The following GPRC5B variants were observed in gnomAD, a reference collection of about 807,000 sequenced individuals.
GPRC5B encodes the protein G protein-coupled receptor class C group 5 member B, also known as G protein-coupled receptor family C group 5 member B.
GPRC5B carries 16 observed loss-of-function variants against 30.1 expected under a neutral mutation model. The ratio of observed to expected loss-of-function variants is 0.53; its 90% CI spans 0.36 to 0.81. The LOEUF (loss-of-function observed/expected upper bound fraction) is 0.81, where lower values mean the gene tolerates loss of function less well. Among genes scored for constraint, GPRC5B ranks in the 30% least tolerant of loss-of-function variants. The pLI is 0.01. For synonymous variants in GPRC5B, 241 were observed against 239.5 expected, an observed-to-expected ratio of 1.01 and a Z score of -0.06; for missense variants, 428 against 544.7, an observed-to-expected ratio of 0.79 and a Z score of 2.13.
chr16:19,866,861 GTGCCGCACCTTA>G (rs1205737530), intron 2 of GPRC5B, among the ~76,000 whole-genome samples: 1 of 152,186 alleles, frequency 6.6e-6, no homozygotes, highest in African/African-American at 2.4e-5. Flanking sequence ...CACATAAGGT[GTGCCGCACCTTA>G]TTGATAAGTC....
intron 2 of GPRC5B, among the ~76,000 whole-genome samples, chr16:19,865,599 G>C (rs956149265): frequency 2.6e-5 from 4 of 152,210 alleles, no homozygotes; most frequent in Non-Finnish European, 4.4e-5. Context: ...AAGATTTGAA[G>C]TGCAGGCTCT....
Position 19,858,644 on chromosome 16 carries a change from GCCCCCA to G in GPRC5B, c.*1850_*1855del. On this transcript the variant is annotated 3_prime_UTR_variant, in exon 4 of 4. Transcript: ENST00000300571. ...CAGAATACCGGGTCCGCATGCAACCGCCCCCACCCCCACCCCAGGTCCTAGCTTCAT... is the reference window on the plus strand; with the variant it reads ...CAGAATACCGGGTCCGCATGCAACCGCCCCCACCCCAGGTCCTAGCTTCAT... The G allele has an allele frequency of 3.8e-6, 2 of 531,480 alleles. No individual in the cohort carries two copies. Among genetic ancestry groups the G allele is most frequent in the Non-Finnish European group, 6.8e-6 (2 of 295,158 alleles). The allele number at this position is 531,480 out of a possible 1,614,324, so 32.9% of individuals were successfully genotyped here.
At chr16:19,874,352 A>C (rs1036873425) in intron 1 of GPRC5B, among the ~76,000 whole-genome samples, 1 of 151,966 alleles carries the variant, frequency 6.6e-6, no homozygotes, top group South Asian at 2.1e-4. Flanking sequence ...GATGCCATCA[A>C]CTCAGACTTG....
intron 1 of GPRC5B, among the ~76,000 whole-genome samples, chr16:19,877,910 T>A (rs2056771098): frequency 2.0e-5 from 3 of 152,072 alleles, no homozygotes; most frequent in Admixed American, 6.6e-5. Context: ...CAAAGTAGAT[T>A]CTCCCTGGCC....
At chr16:19,865,078 G>GTT (rs901392659) in intron 2 of GPRC5B, among the ~76,000 whole-genome samples, 4 of 145,114 alleles carry the variant, frequency 2.8e-5, no homozygotes, top group Non-Finnish European at 4.6e-5. Flanking sequence ...CTTATTTTTA[G>GTT]TTTTTTTTTT....
intron 1 of GPRC5B, among the ~76,000 whole-genome samples, chr16:19,873,760 C>T (rs899785220): frequency 6.6e-6 from 1 of 152,052 alleles, no homozygotes. Flanking sequence ...CCTCACTCCG[C>T]GGGCTCCCAG....
Position 19,871,857 on chromosome 16 carries a change from T to A in GPRC5B, c.989A>T (p.Tyr330Phe), listed in dbSNP as rs1414018077. The A allele has an allele frequency of 6.2e-7, 1 of 1,613,940 alleles. No individual in the cohort carries two copies. The highest frequency in any genetic ancestry group is 8.5e-7 in the Non-Finnish European group (1 of 1,180,050). Residue 330 changes from tyrosine (Y) to phenylalanine (F), a missense_variant, in exon 2 of 4, where the codon TAT becomes TTT. Tyr to Phe is a conservative substitution (Grantham distance 22). Transcript: ENST00000300571. ...FEEDVQLPRAYMENKAFSMDE... is the reference protein window; with the variant it reads ...FEEDVQLPRAFMENKAFSMDE... ...CATGGAGAAGGCCTTGTTCTCCATA[T>A]AGGCCCGCGGCAGCTGCACGTCCTC...
rs1351186725 is a variant in GPRC5B at position 19,871,938 on chromosome 16, T to C, written c.908A>G (p.Asn303Ser). 5 of 1,613,934 alleles carry C rather than the reference T, an allele frequency of 3.1e-6. No homozygotes were observed. In the Admixed American group the frequency reaches 8.3e-5, roughly 27 times the overall value. Residue 303 changes from asparagine (N) to serine (S), a missense_variant, in exon 2 of 4, where the codon AAC becomes AGC. Around this residue, in one of 3 missense-constraint regions of GPRC5B, gnomAD observed 213 missense variants for 229.1 expected, o/e 0.93. Transcript: ENST00000300571. ...CGACGTGTCGAAGTAGTTGGGCGTG[T>C]TCTCCTGCAGGGCTGGCAGAAGGGT... ...HCTLLPALQE[N>S]TPNYFDTSQP...
intron 1 of GPRC5B, chr16:19,882,045 T>G (rs2056811666): frequency 6.6e-6 from 1 of 152,250 alleles, no homozygotes; most frequent in African/African-American, 2.4e-5. Context: ...TGCTGGAGCC[T>G]CTGGTCCATT....
chr16:19,885,408 C>T, upstream of GPRC5B: 1 of 1,157,932 alleles, frequency 8.6e-7, no homozygotes. This position sits in a 1 kb window ranked among gnomAD's most constrained non-coding sequence, Gnocchi z 5.3. Context: ...GCTAGGCCTC[C>T]TCCAGGCAGG....
At chr16:19,864,808 G>A (rs888909191) in intron 2 of GPRC5B, among the ~76,000 whole-genome samples, 3 of 152,168 alleles carry the variant, frequency 2.0e-5, no homozygotes, top group Non-Finnish European at 4.4e-5. Context: ...TGGCAAGGGA[G>A]CATGCCAGAT....
chr16:19,869,950 C>T (rs567161882), intron 2 of GPRC5B, among the ~76,000 whole-genome samples: 2 of 152,220 alleles, frequency 1.3e-5, no homozygotes, highest in African/African-American at 2.4e-5. Context: ...TGGTGTGTGC[C>T]TGTGGTCCCA....
In GPRC5B at chr16:19,858,787, G is replaced by A. The variant is rs1032571385; in HGVS notation, c.*1713C>T. 10 of 384,704 alleles carry A rather than the reference G, an allele frequency of 2.6e-5. No individual in the cohort carries two copies. The highest frequency in any genetic ancestry group is 3.2e-5 in the Non-Finnish European group (7 of 217,732). The allele number at this position is 384,704 out of a possible 1,614,324, so 23.8% of individuals were successfully genotyped here. Reference sequence around the variant, plus strand: ...GGCAGAGGCGGGGTGCTTCCGGGGAGGTCAGGTGGGGGTGGCATTCTGGGG... The same window carrying A: ...GGCAGAGGCGGGGTGCTTCCGGGGAAGTCAGGTGGGGGTGGCATTCTGGGG... On this transcript the variant is annotated 3_prime_UTR_variant, in exon 4 of 4. Transcript: ENST00000300571.
rs555430487 is a variant in GPRC5B at position 19,862,716 on chromosome 16, C to T, written c.1031-743G>A. On this transcript the variant is annotated intron_variant, in intron 2 of 3. Transcript: ENST00000300571. The stretch of plus-strand genomic sequence containing the variant: ...GGTGGATCACTTGAGGTCAGGAGTT[C>T]GAGACCAGCCTGGCCAACATGGCAA... Among the ~76,000 whole-genome samples, 26 of 152,222 alleles carry T rather than the reference C, an allele frequency of 1.7e-4. No individual in the cohort carries two copies. The South Asian group carries it at 5.2e-3, about 30-fold the overall frequency.
Position 19,872,227 on chromosome 16 carries a change from C to G in GPRC5B, c.619G>C (p.Asp207His), listed in dbSNP as rs547968579. 6.2e-7 allele frequency: 1 copy of G among 1,614,174 alleles called. No homozygotes were observed. Among genetic ancestry groups the G allele is most frequent in the South Asian group, 1.1e-5 (1 of 91,084 alleles). The change falls in exon 2 of 4, where the codon GAC (aspartate) becomes CAC (histidine). Residue 207 changes from aspartate (D) to histidine (H), a missense_variant. This residue lies in a region of GPRC5B where 213 missense variants were observed against 229.1 expected (regional missense o/e 0.93). Coordinates refer to ENST00000300571, the MANE Select transcript of GPRC5B (RefSeq NM_016235.3). This position sits in a 1 kb window ranked among gnomAD's most constrained non-coding sequence, Gnocchi z 5.0. ...AGGGTGACCACAAGCAGTACCATGT[C>G]GTAGATGAGGGCCATCACAAAGTCC... The part of the protein sequence containing the change: ...PMDFVMALIY[D>H]MVLLVVTLGL...
intron 1 of GPRC5B, among the ~76,000 whole-genome samples, chr16:19,883,812 C>T (rs533958361): frequency 6.6e-6 from 1 of 152,248 alleles, no homozygotes; most frequent in African/African-American, 2.4e-5. Flanking sequence ...GGAGTGAACC[C>T]GCTGCACGGG....
Position 19,872,924 on chromosome 16 carries a change from T to C in GPRC5B, c.-1-78A>G. ...GAAGACTCCCCCTCTCCTGACTTCTTGAAGAAGACTCGCCTCATTTCAAAC... is the reference window on the plus strand; with the variant it reads ...GAAGACTCCCCCTCTCCTGACTTCTCGAAGAAGACTCGCCTCATTTCAAAC... On this transcript the variant is annotated intron_variant, in intron 1 of 3. Transcript: ENST00000300571. This position sits in a 1 kb window ranked among gnomAD's most constrained non-coding sequence, Gnocchi z 5.0. The C allele has an allele frequency of 1.9e-6, 2 of 1,039,900 alleles. No individual in the cohort carries two copies. The highest frequency in any genetic ancestry group is 4.8e-5 in the East Asian group (2 of 41,932). The allele number at this position is 1,039,900 out of a possible 1,614,324, so 64.4% of individuals were successfully genotyped here. A position where few individuals can be genotyped will look rare whatever the true frequency, so the allele number is the denominator to read the frequency against.
chr16:19,857,166 T>G lies in GPRC5B; in HGVS notation c.*3334A>C, dbSNP rs1233719621. On this transcript the variant is annotated 3_prime_UTR_variant, in exon 4 of 4. Coordinates refer to ENST00000300571, the MANE Select transcript of GPRC5B (RefSeq NM_016235.3). ...GCTTTTATGGGTAAACTTATTACCTTAATATGTTCTGTGGTTTGCTGTTAA... is the reference window on the plus strand; with the variant it reads ...GCTTTTATGGGTAAACTTATTACCTGAATATGTTCTGTGGTTTGCTGTTAA... The G allele has an allele frequency of 4.3e-6, 1 of 230,966 alleles. No individual in the cohort carries two copies. The highest frequency in any genetic ancestry group is 8.5e-6 in the Non-Finnish European group (1 of 118,136). 14.3% of individuals were successfully genotyped at this position (230,966 alleles called of 1,614,324 possible).
At chr16:19,865,780 C>G (rs919812396) in intron 2 of GPRC5B, among the ~76,000 whole-genome samples, 9 of 152,196 alleles carry the variant, frequency 5.9e-5, no homozygotes, top group Non-Finnish European at 1.3e-4. Flanking sequence ...GCAGTTACCT[C>G]TGTAACATTG....
Sources: gnomAD v4.1 joint callset for allele counts (sites outside exome capture counted in the v4.1 genomes callset) on GRCh38, gnomAD v4.1.1 for gene constraint, gnomAD v4.1.1 regional missense constraint, Gnocchi (gnomAD v3.1) non-coding constraint, MANE v1.5 for transcripts, NCBI Gene and HGNC (gene_info 2026-07-23, HGNC 2026-07-21) for gene names.